DOK6: variants seen among roughly 807,000 people sequenced by gnomAD.
DOK6 encodes the protein downstream of tyrosine kinase 6.
DOK6 carries 22 observed loss-of-function variants against 44.0 expected under a neutral mutation model. That is an observed-to-expected ratio of 0.50 (90% CI 0.36 to 0.71). DOK6 has a LOEUF of 0.71. Among genes scored for constraint, DOK6 ranks in the 30% least tolerant of loss-of-function variants. The pLI, the probability that DOK6 is intolerant of heterozygous loss-of-function variation, is 0.00. For missense variants in DOK6, 340 were observed against 416.4 expected, an observed-to-expected ratio of 0.82 and a Z score of 1.60; for synonymous variants, 166 against 145.5, an observed-to-expected ratio of 1.14 and a Z score of -1.01.
At chr18:69,750,055 A>C (rs900252929) in intron 6 of DOK6, among the ~76,000 whole-genome samples, 4 of 147,614 alleles carry the variant, frequency 2.7e-5, no homozygotes, top group Non-Finnish European at 6.0e-5. Context: ...ATATATATAT[A>C]TATTATATAT....
chr18:69,654,585 G>A (rs1045180367), intron 3 of DOK6, among the ~76,000 whole-genome samples: 1 of 152,164 alleles, frequency 6.6e-6, no homozygotes, highest in African/African-American at 2.4e-5. Flanking sequence ...CAATTAAAAT[G>A]GTGAATTGTC....
chr18:69,499,491 G>A (rs1419000559), intron 1 of DOK6, among the ~76,000 whole-genome samples: 3 of 152,080 alleles, frequency 2.0e-5, no homozygotes, highest in East Asian at 3.9e-4. Context: ...TCAACAAAGG[G>A]CAGATTTTTC....
rs114627250 is a variant in DOK6, at chr18:69,720,596, C to T, written c.600-18369C>T. 3.7e-3 allele frequency among the ~76,000 whole-genome samples: 556 copies of T among 152,184 alleles called. 6 individuals are homozygous for T. The highest frequency in any genetic ancestry group is 0.013 in the African/African-American group (537 of 41,534). ...AAAGTCTTCATCAAATTTTTTGCCA[C>T]GATTTACATGGATATAATGCTGACT... On this transcript the variant is annotated intron_variant, in intron 5 of 7. Coordinates refer to ENST00000382713, the MANE Select transcript of DOK6 (RefSeq NM_152721.6).
chr18:69,837,563 T>A (rs1982088461), intron 7 of DOK6, among the ~76,000 whole-genome samples: 1 of 111,620 alleles, frequency 9.0e-6, no homozygotes, highest in Non-Finnish European at 2.1e-5. Flanking sequence ...AAAGCGCAGG[T>A]GTTCAGCAAA....
At chr18:69,801,366 A>C (rs759803319) in intron 7 of DOK6, among the ~76,000 whole-genome samples, 1 of 152,212 alleles carries the variant, frequency 6.6e-6, no homozygotes, top group Non-Finnish European at 1.5e-5. Flanking sequence ...ATTAAGTGCC[A>C]AAATTAAAAA....
intron 3 of DOK6, among the ~76,000 whole-genome samples, chr18:69,616,342 C>T (rs1337467289): frequency 2.0e-5 from 3 of 152,142 alleles, no homozygotes; most frequent in Non-Finnish European, 4.4e-5. Context: ...ATGCTCATTG[C>T]TGGGCTGCCC....
intron 3 of DOK6, among the ~76,000 whole-genome samples, chr18:69,628,670 A>G (rs564082025): frequency 8.5e-5 from 13 of 152,318 alleles, no homozygotes; most frequent in African/African-American, 2.9e-4. Flanking sequence ...AATTTTATGA[A>G]CATATTTGCC....
At chr18:69,639,598 T>C in intron 3 of DOK6, among the ~76,000 whole-genome samples, 1 of 152,118 alleles carries the variant, frequency 6.6e-6, no homozygotes, top group East Asian at 1.9e-4. Context: ...TCTTGTAAGG[T>C]GTTACAGGAT....
chr18:69,654,181 A>C (rs1389887897), intron 3 of DOK6, among the ~76,000 whole-genome samples: 1 of 152,244 alleles, frequency 6.6e-6, no homozygotes, highest in Non-Finnish European at 1.5e-5. Flanking sequence ...AAAAGAGCAA[A>C]AAAATATATA....
intron 1 of DOK6, among the ~76,000 whole-genome samples, chr18:69,555,407 T>C (rs8096152): frequency 0.92 from 140,481 of 152,214 alleles, 65,861 homozygotes; most frequent in Non-Finnish European, 1. Flanking sequence ...AAAAAGAATC[T>C]GCCTGATTTT....
intron 1 of DOK6, among the ~76,000 whole-genome samples, chr18:69,458,040 G>A (rs1261021562): frequency 6.6e-6 from 1 of 152,172 alleles, no homozygotes; most frequent in East Asian, 1.9e-4. Flanking sequence ...CTACTTGGGA[G>A]GCTGAGGCAG....
chr18:69,717,197 T>C (rs963505721), intron 5 of DOK6, among the ~76,000 whole-genome samples: 1 of 152,222 alleles, frequency 6.6e-6, no homozygotes, highest in African/African-American at 2.4e-5. Context: ...CATAAACTCC[T>C]AAAACCCAAT....
intron 3 of DOK6, among the ~76,000 whole-genome samples, chr18:69,663,785 A>G (rs1003084936): frequency 7.2e-5 from 11 of 152,160 alleles, no homozygotes; most frequent in Admixed American, 7.2e-4. Context: ...CTAATTTTAG[A>G]TACTGTGTGA....
chr18:69,762,247 T>C (rs186028599), intron 7 of DOK6, among the ~76,000 whole-genome samples: 15 of 152,200 alleles, frequency 9.9e-5, no homozygotes, highest in African/African-American at 3.6e-4. Context: ...GAGGTTGAGA[T>C]GGGAGGGTCA....
chr18:69,709,028 C>T (rs894086180), intron 5 of DOK6, among the ~76,000 whole-genome samples: 3 of 152,042 alleles, frequency 2.0e-5, no homozygotes, highest in South Asian at 4.2e-4. Context: ...AACAGTGAAC[C>T]GAGTGTGAAC....
chr18:69,637,309 T>A (rs943581660), intron 3 of DOK6, among the ~76,000 whole-genome samples: 3 of 152,238 alleles, frequency 2.0e-5, no homozygotes, highest in African/African-American at 7.2e-5. Flanking sequence ...GGAAATGCAA[T>A]GTAACATGTC....
chr18:69,594,921 C>T (rs1481582974), intron 2 of DOK6, among the ~76,000 whole-genome samples: 1 of 151,896 alleles, frequency 6.6e-6, no homozygotes, highest in Non-Finnish European at 1.5e-5. Context: ...TTGCAGCATA[C>T]AAAATCAACA....
chr18:69,630,807 C>T (rs1245666749), intron 3 of DOK6, among the ~76,000 whole-genome samples: 3 of 152,146 alleles, frequency 2.0e-5, no homozygotes, highest in Non-Finnish European at 4.4e-5. Flanking sequence ...CCATGAAATG[C>T]TTCTGTAAAA....
At chr18:69,416,105 A>G in intron 1 of DOK6, among the ~76,000 whole-genome samples, 1 of 125,364 alleles carries the variant, frequency 8.0e-6, no homozygotes, top group African/African-American at 2.9e-5. Flanking sequence ...AGGGAGGGAG[A>G]GAGGGATGGA....
Sources: gnomAD v4.1 joint callset for allele counts (sites outside exome capture counted in the v4.1 genomes callset) on GRCh38, gnomAD v4.1.1 for gene constraint, MANE v1.5 for transcripts, NCBI Gene and HGNC (gene_info 2026-07-23, HGNC 2026-07-21) for gene names.